The following CPA6 variants were observed in gnomAD, a reference collection of about 807,000 sequenced individuals.
CPA6 encodes carboxypeptidase A6, also known as carboxypeptidase B.
Under a neutral mutation model 63.3 loss-of-function variants are expected in CPA6, and 58 were observed. The observed-to-expected ratio is 0.92, with a 90% CI of 0.74 to 1.14. The LOEUF (loss-of-function observed/expected upper bound fraction) is 1.14. CPA6 is among the 50% of genes most tolerant of loss of function. The pLI, the probability that CPA6 is intolerant of heterozygous loss-of-function variation, is 0.00. For synonymous variants in CPA6, 185 were observed against 179.0 expected, an observed-to-expected ratio of 1.03 and a Z score of -0.27; for missense variants, 565 against 526.6, an observed-to-expected ratio of 1.07 and a Z score of -0.71.
chr8:67,719,879 C>A (rs1259635310), intron 1 of CPA6, among the ~76,000 whole-genome samples: 3 of 152,068 alleles, frequency 2.0e-5, no homozygotes, highest in East Asian at 1.9e-4. Context: ...AAATGATGAA[C>A]TATTTTAGAG....
intron 1 of CPA6, among the ~76,000 whole-genome samples, chr8:67,704,956 G>C (rs1300480826): frequency 6.6e-6 from 1 of 152,066 alleles, no homozygotes; most frequent in East Asian, 1.9e-4. Context: ...CCTCAAGTTA[G>C]CCTCTTCAGT....
intron 2 of CPA6, among the ~76,000 whole-genome samples, chr8:67,617,795 C>T (rs1814991167): frequency 6.6e-6 from 1 of 152,232 alleles, no homozygotes; most frequent in South Asian, 2.1e-4. Context: ...TATCTTCTCA[C>T]TGCTGGTAAA....
intron 1 of CPA6, among the ~76,000 whole-genome samples, chr8:67,658,312 A>G (rs906595194): frequency 1.3e-5 from 2 of 152,178 alleles, no homozygotes; most frequent in Non-Finnish European, 2.9e-5. Context: ...TGCAGCACAA[A>G]CTTTCTTAGG....
chr8:67,483,550 T>A (rs1418643132), intron 8 of CPA6: 5 of 569,586 alleles, frequency 8.8e-6, no homozygotes, highest in Non-Finnish European at 1.6e-5. Context: ...AGGACCGAAT[T>A]GACATATTTA....
chr8:67,492,087 G>T (rs1811618683), intron 6 of CPA6, among the ~76,000 whole-genome samples: 1 of 152,306 alleles, frequency 6.6e-6, no homozygotes, highest in Middle Eastern at 3.4e-3. Context: ...AATGAAAAGT[G>T]CTAATGCTGG....
intron 2 of CPA6, among the ~76,000 whole-genome samples, chr8:67,602,533 C>A (rs1030131396): frequency 2.0e-5 from 3 of 152,164 alleles, no homozygotes; most frequent in Admixed American, 6.5e-5. Context: ...GAGAATGAAG[C>A]ACCCTAAATG....
chr8:67,519,758 C>G (rs1263937243), intron 2 of CPA6, among the ~76,000 whole-genome samples: 1 of 152,222 alleles, frequency 6.6e-6, no homozygotes, highest in Non-Finnish European at 1.5e-5. Flanking sequence ...AAGGACATAT[C>G]TAGGACTGCA....
At chr8:67,615,843 T>C (rs1007828362) in intron 2 of CPA6, among the ~76,000 whole-genome samples, 2 of 152,182 alleles carry the variant, frequency 1.3e-5, no homozygotes, top group African/African-American at 2.4e-5. Flanking sequence ...TATTTTAGCC[T>C]AGGTTTCAAA....
chr8:67,643,228 C>T (rs1815634940), intron 1 of CPA6, among the ~76,000 whole-genome samples: 1 of 152,130 alleles, frequency 6.6e-6, no homozygotes, highest in Non-Finnish European at 1.5e-5. Context: ...ACCAGTTTCT[C>T]AATGGAATTT....
chr8:67,667,522 A>G (rs1285352274), intron 1 of CPA6, among the ~76,000 whole-genome samples: 8 of 152,178 alleles, frequency 5.3e-5, no homozygotes, highest in Admixed American at 3.9e-4. Flanking sequence ...AAAAAAAATT[A>G]AAGCTGTTAA....
chr8:67,495,535 C>T, intron 6 of CPA6, among the ~76,000 whole-genome samples: 1 of 152,224 alleles, frequency 6.6e-6, no homozygotes, highest in East Asian at 1.9e-4. Flanking sequence ...TCCACTCTTC[C>T]TGTCTATGTG....
At chr8:67,531,053 G>A (rs1024627500) in intron 2 of CPA6, among the ~76,000 whole-genome samples, 1 of 152,110 alleles carries the variant, frequency 6.6e-6, no homozygotes, top group Non-Finnish European at 1.5e-5. Context: ...TCAGATACTA[G>A]TTTTATGGTA....
At chr8:67,575,596 C>T (rs766938590) in intron 2 of CPA6, among the ~76,000 whole-genome samples, 2 of 152,178 alleles carry the variant, frequency 1.3e-5, no homozygotes, top group Non-Finnish European at 2.9e-5. Context: ...GTGGCTCATG[C>T]CTGTAATCCC....
chr8:67,515,513 G>A (rs545185872), intron 3 of CPA6, among the ~76,000 whole-genome samples: 1 of 152,292 alleles, frequency 6.6e-6, no homozygotes, highest in East Asian at 1.9e-4. Context: ...CTACCGTGGG[G>A]CATAAGGGAG....
At chr8:67,699,767 T>G (rs1245740451) in intron 1 of CPA6, among the ~76,000 whole-genome samples, 1 of 152,044 alleles carries the variant, frequency 6.6e-6, no homozygotes, top group African/African-American at 2.4e-5. Context: ...TTTTGTATTT[T>G]TAGTAGAGAT....
intron 3 of CPA6, among the ~76,000 whole-genome samples, chr8:67,517,142 C>T (rs925414163): frequency 4.6e-5 from 7 of 151,650 alleles, no homozygotes; most frequent in Non-Finnish European, 1.0e-4. Context: ...TTTTTAAAAC[C>T]AACCCTCAAA....
chr8:67,635,580 C>A (rs772862235), intron 1 of CPA6, among the ~76,000 whole-genome samples: 1 of 151,492 alleles, frequency 6.6e-6, no homozygotes, highest in South Asian at 2.1e-4. Flanking sequence ...CCAGCCTGAC[C>A]AACATGGTGA....
chr8:67,451,035 T>G (rs1253628790), intron 8 of CPA6, among the ~76,000 whole-genome samples: 1 of 152,184 alleles, frequency 6.6e-6, no homozygotes, highest in East Asian at 1.9e-4. Context: ...TGGACTACAG[T>G]TTCCCGTGAC....
intron 1 of CPA6, among the ~76,000 whole-genome samples, chr8:67,716,466 G>C (rs1563405867): frequency 6.6e-6 from 1 of 152,180 alleles, no homozygotes. Flanking sequence ...TTGAGTCTCT[G>C]ATCAGCTTTT....
Sources: allele counts gnomAD v4.1 joint callset (sites outside exome capture counted in the v4.1 genomes callset), GRCh38; gene constraint gnomAD v4.1.1; transcripts MANE v1.5; gene names NCBI Gene and HGNC (gene_info 2026-07-23, HGNC 2026-07-21).